Variants in PLLP observed in about 807,000 individuals in gnomAD.
The protein encoded by PLLP is plasmolipin.
In PLLP, 15 loss-of-function variants were observed where a neutral mutation model predicts 19.7. The ratio of observed to expected loss-of-function variants is 0.76; its 90% CI spans 0.51 to 1.17. The LOEUF is 1.17. Among genes scored for constraint, PLLP ranks in the 50% most tolerant of loss-of-function variants. PLLP has a pLI of 0.00. For missense variants in PLLP, 255 were observed against 258.3 expected, an observed-to-expected ratio of 0.99 and a Z score of 0.09; for synonymous variants, 111 against 116.3, an observed-to-expected ratio of 0.95 and a Z score of 0.29.
At chr16:57,272,484 A>C (rs1394467997) in intron 1 of PLLP, among the ~76,000 whole-genome samples, 1 of 152,218 alleles carries the variant, frequency 6.6e-6, no homozygotes, top group African/African-American at 2.4e-5. Flanking sequence ...TGTTGGAAGT[A>C]TATAGAGCCT....
At chr16:57,262,872 C>T (rs2075446222) in intron 1 of PLLP, among the ~76,000 whole-genome samples, 1 of 152,184 alleles carries the variant, frequency 6.6e-6, no homozygotes, top group African/African-American at 2.4e-5. Context: ...CCCCACGCCT[C>T]CAGCCGGCAT....
chr16:57,261,363 A>C (rs2146438947), intron 2 of PLLP, among the ~76,000 whole-genome samples: 1 of 151,814 alleles, frequency 6.6e-6, no homozygotes, highest in Non-Finnish European at 1.5e-5. Context: ...ACAGCCCCTC[A>C]CTTCTACTCC....
At position 57,256,942 on chromosome 16, in the gene PLLP, T is replaced by A; in HGVS notation, c.520A>T (p.Thr174Ser). The change falls in exon 4 of 4, where the codon ACC (threonine) becomes TCC (serine). Residue 174 changes from threonine to serine, a missense_variant. Transcript: ENST00000219207. ...GCATAGCCGCCAGCCATCTGACTGG[T>A]GGCCGCATTGCTGCCTACTCCTCGC... is the stretch of plus-strand genomic sequence containing the variant. ...AWRGVGSNAA[T>S]SQMAGGYA 1 of 1,613,410 alleles carries A rather than the reference T, an allele frequency of 6.2e-7. No individual in the cohort carries two copies.
At chr16:57,258,394 A>G (rs1472908771) in intron 3 of PLLP, 68 bp downstream of exon 3, 1 of 1,546,434 alleles carries the variant, frequency 6.5e-7, no homozygotes, top group African/African-American at 1.4e-5. Flanking sequence ...CCTCAGACCA[A>G]GCGAGCAGCC....
chr16:57,265,226 G>A (rs1006077661), intron 1 of PLLP, among the ~76,000 whole-genome samples: 10 of 152,256 alleles, frequency 6.6e-5, no homozygotes, highest in African/African-American at 2.4e-4. Flanking sequence ...GAGCCCTTAC[G>A]AGTGTGGACC....
At chr16:57,261,840 A>G in intron 2 of PLLP, 57 bp downstream of exon 2, 1 of 1,517,254 alleles carries the variant, frequency 6.6e-7, no homozygotes, top group East Asian at 2.3e-5. Flanking sequence ...CACTTCTTCT[A>G]GGGAAAGTCA....
chr16:57,264,722 A>T (rs143106135), intron 1 of PLLP, among the ~76,000 whole-genome samples: 1 of 152,164 alleles, frequency 6.6e-6, no homozygotes, highest in East Asian at 1.9e-4. Context: ...GTGATGGTGC[A>T]CCTGTGGTCC....
intron 1 of PLLP, among the ~76,000 whole-genome samples, chr16:57,266,741 C>T (rs1464199667): frequency 6.6e-6 from 1 of 152,068 alleles, no homozygotes; most frequent in Non-Finnish European, 1.5e-5. Flanking sequence ...CTCTCTCCTA[C>T]ACACACAGGC....
intron 1 of PLLP, among the ~76,000 whole-genome samples, chr16:57,267,587 A>T (rs955277349): frequency 1.7e-4 from 25 of 151,214 alleles, no homozygotes; most frequent in African/African-American, 5.8e-4. Context: ...ACAAAACAAA[A>T]CAAAACAAGG....
chr16:57,281,636 G>A (rs142352081), intron 1 of PLLP, among the ~76,000 whole-genome samples: 2,264 of 149,664 alleles, frequency 0.015, 52 homozygotes, highest in African/African-American at 0.053. Flanking sequence ...TCAGCCTCCC[G>A]AGTAGCTGGG....
Position 57,276,403 on chromosome 16 carries a change from C to T in PLLP, c.135+8003G>A, listed in dbSNP as rs187863688. Among the ~76,000 whole-genome samples, 435 of 152,222 alleles carry T rather than the reference C, an allele frequency of 2.9e-3. 3 individuals are homozygous for T. Among genetic ancestry groups the T allele is most frequent in the African/African-American group, 0.01 (419 of 41,524 alleles). On this transcript the variant is annotated intron_variant, in intron 1 of 3. Transcript: ENST00000219207. ...GGTCAGGAGTTCAAGACCAGCTTGGCCAACATGGCCAAACCCCGTCTCTAC... is the reference window on the plus strand; with the variant it reads ...GGTCAGGAGTTCAAGACCAGCTTGGTCAACATGGCCAAACCCCGTCTCTAC...
intron 1 of PLLP, among the ~76,000 whole-genome samples, chr16:57,278,326 C>G (rs1216820877): frequency 6.6e-6 from 1 of 152,118 alleles, no homozygotes; most frequent in African/African-American, 2.4e-5. Flanking sequence ...GATGACAGAG[C>G]ACAAGAAGAG....
intron 1 of PLLP, among the ~76,000 whole-genome samples, chr16:57,283,195 AT>A (rs1472222084): frequency 2.6e-5 from 4 of 152,032 alleles, no homozygotes; most frequent in African/African-American, 9.7e-5. Context: ...CCGATTGCAC[AT>A]TTTTTTCCGG....
chr16:57,269,565 G>A (rs562772726), intron 1 of PLLP, among the ~76,000 whole-genome samples: 181 of 152,270 alleles, frequency 1.2e-3, no homozygotes, highest in Non-Finnish European at 2.1e-3. Context: ...TCCCAGAGAG[G>A]GACGCCACGA....
chr16:57,277,697 C>T (rs561681808), intron 1 of PLLP, among the ~76,000 whole-genome samples: 1 of 152,230 alleles, frequency 6.6e-6, no homozygotes, highest in South Asian at 2.1e-4. Context: ...GGTGTATTGC[C>T]CTGGGGAAAA....
At chr16:57,259,896 G>A (rs1443980153) in intron 2 of PLLP, among the ~76,000 whole-genome samples, 1 of 151,174 alleles carries the variant, frequency 6.6e-6, no homozygotes, top group Non-Finnish European at 1.5e-5. Flanking sequence ...AGAATCACTT[G>A]AACCTGGGAG....
Position 57,272,098 on chromosome 16 carries a change from G to A in PLLP, c.136-10028C>T, listed in dbSNP as rs558205887. ...CCCGCAACTACCCTGCCAGGCCCCC[G>A]CCAGGGCTTTACCCCCAGGGCCTTC... On this transcript the variant is annotated intron_variant, in intron 1 of 3. Coordinates refer to ENST00000219207, the MANE Select transcript of PLLP (RefSeq NM_015993.3). Among the ~76,000 whole-genome samples, 10 of 152,220 alleles carry A rather than the reference G, an allele frequency of 6.6e-5. No individual in the cohort carries two copies. In the East Asian group the frequency reaches 1.2e-3, roughly 18 times the overall value.
In PLLP at chr16:57,256,489, G is replaced by C; in HGVS notation, c.*424C>G. ...TTCACCAGCTTGCTCAGCTCTCCTGGAACAAAGACTAAGGTGCTACGTGTT... is the reference window on the plus strand; with the variant it reads ...TTCACCAGCTTGCTCAGCTCTCCTGCAACAAAGACTAAGGTGCTACGTGTT... On this transcript the variant is annotated 3_prime_UTR_variant, in exon 4 of 4. Transcript: ENST00000219207. 1.0e-5 allele frequency: 2 copies of C among 195,708 alleles called. No individual in the cohort carries two copies. Among genetic ancestry groups the C allele is most frequent in the Non-Finnish European group, 2.1e-5 (2 of 97,488 alleles). 12.1% of individuals were successfully genotyped at this position (195,708 alleles called of 1,614,324 possible). A position where few individuals can be genotyped will look rare whatever the true frequency, so the allele number is the denominator to read the frequency against.
In PLLP at chr16:57,256,399, C is replaced by T. The variant is rs1401620950; in HGVS notation, c.*514G>A. 2 of 234,914 alleles carry T rather than the reference C, an allele frequency of 8.5e-6. No homozygotes were observed. The highest frequency in any genetic ancestry group is 1.6e-5 in the Non-Finnish European group (2 of 123,130). 14.6% of individuals were successfully genotyped at this position (234,914 alleles called of 1,614,324 possible). A position where few individuals can be genotyped will look rare whatever the true frequency, so the allele number is the denominator to read the frequency against. On this transcript the variant is annotated 3_prime_UTR_variant, in exon 4 of 4. Transcript: ENST00000219207. ...AAGACCATGCTGTCAGCAATCAACC[C>T]ACTTTTTACAGGTTGGCTCCAGGGA... is the stretch of plus-strand genomic sequence containing the variant.
Sources: allele counts gnomAD v4.1 joint callset (sites outside exome capture counted in the v4.1 genomes callset), GRCh38; gene constraint gnomAD v4.1.1; transcripts MANE v1.5; gene names NCBI Gene and HGNC (gene_info 2026-07-23, HGNC 2026-07-21).